The following SLC2A14 variants were observed in gnomAD, a reference collection of about 807,000 sequenced individuals.
The protein encoded by SLC2A14 is solute carrier family 2, facilitated glucose transporter member 14.
Under a neutral mutation model 43.0 loss-of-function variants are expected in SLC2A14, and 13 were observed. That is an observed-to-expected ratio of 0.30 (90% confidence interval 0.20 to 0.48). The LOEUF (loss-of-function observed/expected upper bound fraction) is 0.48, where lower values mean the gene tolerates loss of function less well. SLC2A14 is among the 20% of genes least tolerant of loss of function. SLC2A14 has a pLI of 0.99. For synonymous variants in SLC2A14, 190 were observed against 233.8 expected, an observed-to-expected ratio of 0.81 and a Z score of 1.71; for missense variants, 428 against 620.4, an observed-to-expected ratio of 0.69 and a Z score of 3.29.
At chr12:7,850,548 A>G (rs1866844464) in intron 2 of SLC2A14, among the ~76,000 whole-genome samples, 1 of 152,026 alleles carries the variant, frequency 6.6e-6, no homozygotes, top group African/African-American at 2.4e-5. Flanking sequence ...GGCGTGCACC[A>G]CCACACCCGG....
At chr12:7,852,499 A>G (rs958769507) in intron 2 of SLC2A14, among the ~76,000 whole-genome samples, 1 of 152,156 alleles carries the variant, frequency 6.6e-6, no homozygotes, top group South Asian at 2.1e-4. Context: ...AAACTTTTCT[A>G]ACTTTTTCCC....
At chr12:7,865,547 A>G (rs997352159) in intron 2 of SLC2A14, among the ~76,000 whole-genome samples, 3 of 151,962 alleles carry the variant, frequency 2.0e-5, no homozygotes, top group Non-Finnish European at 2.9e-5. Context: ...AAAAAAAAAA[A>G]TGAAAATAAA....
intron 10 of SLC2A14, among the ~76,000 whole-genome samples, chr12:7,816,953 C>T (rs1863506195): frequency 1.3e-5 from 2 of 152,054 alleles, no homozygotes; most frequent in African/African-American, 2.4e-5. Context: ...GTGATCCGCC[C>T]ACCTCCACCT....
chr12:7,878,165 C>T (rs1228660184), upstream of SLC2A14, among the ~76,000 whole-genome samples: 1 of 152,180 alleles, frequency 6.6e-6, no homozygotes, highest in African/African-American at 2.4e-5. Context: ...ATCCTCTTGC[C>T]TCAGCCTCCC....
At chr12:7,843,995 G>T (rs7136630) in intron 2 of SLC2A14, among the ~76,000 whole-genome samples, 66,912 of 150,434 alleles carry the variant, frequency 0.44, 14,818 homozygotes, top group African/African-American at 0.55. Context: ...TTTACTGAAG[G>T]GCACATGCAA....
intron 2 of SLC2A14, among the ~76,000 whole-genome samples, chr12:7,851,600 T>C (rs904740881): frequency 6.6e-6 from 1 of 152,068 alleles, no homozygotes; most frequent in Non-Finnish European, 1.5e-5. Context: ...ATAATGAAAA[T>C]GTAATAAGTA....
At position 7,836,992 on chromosome 12, in the gene SLC2A14, C is replaced by T. The variant is rs943487099; in HGVS notation, c.19-4178G>A. On this transcript the variant is annotated intron_variant, in intron 2 of 10. Coordinates refer to ENST00000431042, the MANE Select transcript of SLC2A14 (RefSeq NM_001286234.2). ...GACCAGCCGGGCCAATATAGTGAAA[C>T]CCCATCTCTAATAAAAATACAAAAA... 2.6e-5 allele frequency among the ~76,000 whole-genome samples: 4 copies of T among 151,854 alleles called. No homozygotes were observed. In the South Asian group the frequency reaches 6.2e-4, roughly 24 times the overall value.
At position 7,813,580 on chromosome 12, in the gene SLC2A14, A is replaced by C. The variant is rs1319617559; in HGVS notation, c.*736T>G. On this transcript the variant is annotated 3_prime_UTR_variant, in exon 11 of 11. Transcript: ENST00000431042. The stretch of plus-strand genomic sequence containing the variant: ...AAATAGGCATACAACTTTTCTGAGA[A>C]ATCAAAGAGTTTCCATCTGAAGGAC... The C allele has an allele frequency of 2.0e-5, 3 of 152,086 alleles. No individual in the cohort carries two copies. The highest frequency in any genetic ancestry group is 7.3e-5 in the African/African-American group (3 of 41,322). 9.4% of individuals were successfully genotyped at this position (152,086 alleles called of 1,614,324 possible). A position where few individuals can be genotyped will look rare whatever the true frequency, so the allele number is the denominator to read the frequency against.
Position 7,813,492 on chromosome 12 carries a change from GTACTAC to G in SLC2A14, c.*818_*823del, listed in dbSNP as rs1863186615. ...ATTAGTTAATAATCCTAGATTTCAA[GTACTAC>G]TACATGTAAACTATTATCTTAAAGA... On this transcript the variant is annotated 3_prime_UTR_variant, in exon 11 of 11. Coordinates refer to ENST00000431042, the MANE Select transcript of SLC2A14 (RefSeq NM_001286234.2). 6.6e-6 allele frequency: 1 copy of G among 152,126 alleles called. No individual in the cohort carries two copies. The highest frequency in any genetic ancestry group is 2.1e-4 in the South Asian group (1 of 4,832). 9.4% of individuals were successfully genotyped at this position (152,126 alleles called of 1,614,324 possible).
intron 2 of SLC2A14, among the ~76,000 whole-genome samples, chr12:7,837,638 C>CAAAAAAAAAA (rs557069415): frequency 0.043 from 2,244 of 52,450 alleles, 378 homozygotes; most frequent in Middle Eastern, 0.088. Flanking sequence ...AACTTCGTCT[C>CAAAAAAAAAA]AAAAAAAAAA....
chr12:7,870,375 T>C (rs925822658), intron 1 of SLC2A14, among the ~76,000 whole-genome samples: 2 of 152,168 alleles, frequency 1.3e-5, no homozygotes. Context: ...CCTCTCCTCA[T>C]AGCATCACCT....
In SLC2A14 at chr12:7,872,839, C is replaced by A; in HGVS notation, c.-90G>T. 4 of 985,544 alleles carry A rather than the reference C, an allele frequency of 4.1e-6. No individual in the cohort carries two copies. Among genetic ancestry groups the A allele is most frequent in the Non-Finnish European group, 4.8e-6 (4 of 830,050 alleles). The allele number at this position is 985,544 out of a possible 1,614,324, so 61.0% of individuals were successfully genotyped here. ...ACCCCGCGACTGCGGTTGGGCCCCG[C>A]GGCTTCGCTCAACCACGCACCTCCC... On this transcript the variant is annotated 5_prime_UTR_variant, in exon 1 of 11. Coordinates refer to ENST00000431042, the MANE Select transcript of SLC2A14 (RefSeq NM_001286234.2).
At chr12:7,877,345 G>A (rs887367421), upstream of SLC2A14, among the ~76,000 whole-genome samples, 1 of 152,050 alleles carries the variant, frequency 6.6e-6, no homozygotes, top group Non-Finnish European at 1.5e-5. Context: ...GTCTTGCTCT[G>A]TTACCTAGGC....
Position 7,819,472 on chromosome 12 carries a change from G to C in SLC2A14, c.1071+10C>G. On this transcript the variant is annotated intron_variant, in intron 9 of 10. Coordinates refer to ENST00000431042, the MANE Select transcript of SLC2A14 (RefSeq NM_001286234.2). Reference sequence around the variant, plus strand: ...CCCCCTCCCTTTTTTTTCACCCAAAGAGCACTTACCTTTAATAACAAAGAA... The same window carrying C: ...CCCCCTCCCTTTTTTTTCACCCAAACAGCACTTACCTTTAATAACAAAGAA... 6.2e-7 allele frequency: 1 copy of C among 1,611,924 alleles called. No homozygotes were observed. Among genetic ancestry groups the C allele is most frequent in the South Asian group, 1.1e-5 (1 of 90,786 alleles).
chr12:7,860,928 G>T lies in SLC2A14; in HGVS notation c.18+8935C>A, dbSNP rs909481654. ...CTGCCTCAGCCTCCCGAGTAGCTAG[G>T]ATTAGAGGCATGCACCACCATGCCC... On this transcript the variant is annotated intron_variant, in intron 2 of 10. Transcript: ENST00000431042. Among the ~76,000 whole-genome samples the T allele has an allele frequency of 7.9e-5, 12 of 151,978 alleles. No individual in the cohort carries two copies. The East Asian group carries it at 2.1e-3, about 27-fold the overall frequency.
rs1555151770 is a variant in SLC2A14, at chr12:7,888,809, A to AAAAG, written c.132+2186_132+2187insCTTT. On this transcript the variant is annotated intron_variant, in intron 1 of 9. Coordinates refer to the SLC2A14 transcript ENST00000539924. ...CAAGACTCCGTCTCAAAAAAAAAAA[A>AAAAG]AAAAAAGAAAAAAGGAATATCAGGA... Among the ~76,000 whole-genome samples, 299 of 147,720 alleles carry AAAAG rather than the reference A, an allele frequency of 2.0e-3. 3 individuals are homozygous for AAAAG. The highest frequency in any genetic ancestry group is 7.0e-3 in the African/African-American group (288 of 40,956).
chr12:7,876,230 G>A (rs1234756915), upstream of SLC2A14, among the ~76,000 whole-genome samples: 2 of 137,628 alleles, frequency 1.5e-5, no homozygotes, highest in Non-Finnish European at 3.1e-5. Flanking sequence ...GCAGTGAGTC[G>A]AGATCGCGCC....
chr12:7,882,590 T>C (rs10744084), intron 1 of SLC2A14, among the ~76,000 whole-genome samples: 81,397 of 151,892 alleles, frequency 0.54, 21,968 homozygotes, highest in Middle Eastern at 0.57. Flanking sequence ...CTCAGCACTC[T>C]GGGAGGCTGA....
chr12:7,832,196 A>G (rs1429434175), intron 3 of SLC2A14, among the ~76,000 whole-genome samples: 1 of 152,328 alleles, frequency 6.6e-6, no homozygotes, highest in Non-Finnish European at 1.5e-5. Context: ...GAAGAGGCAG[A>G]TAACATATTG....
Sources: gnomAD v4.1 joint callset for allele counts (sites outside exome capture counted in the v4.1 genomes callset) on GRCh38, gnomAD v4.1.1 for gene constraint, MANE v1.5 for transcripts, NCBI Gene and HGNC (gene_info 2026-07-23, HGNC 2026-07-21) for gene names.